DESI1: variants seen among roughly 807,000 people sequenced by gnomAD.
DESI1 encodes the protein PPPDE peptidase domain containing 2.
Under a neutral mutation model 22.4 loss-of-function variants are expected in DESI1, and 17 were observed. The ratio of observed to expected loss-of-function variants is 0.76; its 90% CI spans 0.52 to 1.14. The LOEUF (loss-of-function observed/expected upper bound fraction) is 1.14, where lower values mean the gene tolerates loss of function less well. Among genes scored for constraint, DESI1 ranks in the 50% most tolerant of loss-of-function variants. The probability of loss-of-function intolerance (pLI) is 0.00; values close to 1 mark genes in which losing one functional copy is unlikely to be tolerated. For synonymous variants in DESI1, 92 were observed against 84.2 expected (o/e 1.09, Z -0.51); for missense variants, 177 against 208.9 (o/e 0.85, Z 0.94).
At chr22:41,601,264 C>T (rs764979315) in intron 5 of DESI1, 74 bp from the exon 6 acceptor site, 84 of 1,412,874 alleles carry the variant, frequency 5.9e-5, no homozygotes, top group Non-Finnish European at 7.0e-5. Context: ...GTGCTGCCCA[C>T]GGGTAGGGAG....
At chr22:41,612,709 C>T (rs558115398) in intron 1 of DESI1, among the ~76,000 whole-genome samples, 4 of 151,262 alleles carry the variant, frequency 2.6e-5, no homozygotes, top group African/African-American at 9.7e-5. Flanking sequence ...GATCCTCCCA[C>T]TTCAGCTTCC....
At chr22:41,604,499 G>A (rs1205272521) in intron 3 of DESI1, among the ~76,000 whole-genome samples, 1 of 151,918 alleles carries the variant, frequency 6.6e-6, no homozygotes, top group Non-Finnish European at 1.5e-5. Context: ...CACCCACCTC[G>A]GCCTTCCAAA....
chr22:41,601,658 G>T (rs2067450569), intron 5 of DESI1, among the ~76,000 whole-genome samples: 1 of 152,210 alleles, frequency 6.6e-6, no homozygotes, highest in African/African-American at 2.4e-5. Flanking sequence ...ACAGAGGTCT[G>T]CCAGGGAGTA....
chr22:41,604,026 A>G lies in DESI1; in HGVS notation c.290+18T>C, dbSNP rs1360459081. 2 of 1,601,362 alleles carry G rather than the reference A, an allele frequency of 1.2e-6. No individual in the cohort carries two copies. Among genetic ancestry groups the G allele is most frequent in the South Asian group, 2.2e-5 (2 of 90,542 alleles). On this transcript the variant is annotated intron_variant, in intron 4 of 5. Transcript: ENST00000263256. ...GGGGAGACAGACACAACTAACCACC[A>G]CCCCTGTCTCCACTCACCGGAACAG...
At chr22:41,602,215 A>G in intron 5 of DESI1, 1 of 985,450 alleles carries the variant, frequency 1.0e-6, no homozygotes, top group Non-Finnish European at 1.2e-6. Flanking sequence ...GAAGTACTCC[A>G]AAGTATAGAC....
intron 1 of DESI1, among the ~76,000 whole-genome samples, chr22:41,616,125 C>T (rs2067549203): frequency 6.6e-6 from 1 of 152,012 alleles, no homozygotes; most frequent in Non-Finnish European, 1.5e-5. Context: ...TGTCTGTAAT[C>T]CCAGCTCCTT....
chr22:41,612,177 CAT>C (rs920640996), intron 1 of DESI1, among the ~76,000 whole-genome samples: 6 of 152,070 alleles, frequency 3.9e-5, no homozygotes, highest in Admixed American at 3.3e-4. Context: ...TAAGTCATAA[CAT>C]GTTAGCAATA....
chr22:41,614,311 C>T (rs1323170067), intron 1 of DESI1, among the ~76,000 whole-genome samples: 3 of 152,118 alleles, frequency 2.0e-5, no homozygotes, highest in Non-Finnish European at 2.9e-5. Context: ...GCAGGGATTA[C>T]AGGGGTTAAC....
chr22:41,602,582 A>T (rs2067455181), intron 5 of DESI1: 1 of 985,474 alleles, frequency 1.0e-6, no homozygotes, highest in Non-Finnish European at 1.2e-6. Context: ...ATAAGCAAAT[A>T]GACATGGTCC....
chr22:41,603,051 G>C, intron 5 of DESI1: 1 of 766,234 alleles, frequency 1.3e-6, no homozygotes, highest in Non-Finnish European at 2.0e-6. Flanking sequence ...ACTTAGGCCA[G>C]GGCAGAGCTG....
chr22:41,607,012 C>G (rs1601510858), intron 3 of DESI1, among the ~76,000 whole-genome samples: 1 of 152,038 alleles, frequency 6.6e-6, no homozygotes, highest in African/African-American at 2.4e-5. Context: ...TTACACAGTT[C>G]CCTGTGGAGA....
intron 4 of DESI1, among the ~76,000 whole-genome samples, chr22:41,603,600 T>C (rs1404175529): frequency 1.3e-5 from 2 of 152,220 alleles, no homozygotes; most frequent in African/African-American, 2.4e-5. Flanking sequence ...TCCTACACAG[T>C]TTCAGGAGAA....
chr22:41,607,966 C>T (rs2067492761), intron 1 of DESI1, 105 bp from the exon 2 acceptor site: 2 of 1,291,480 alleles, frequency 1.5e-6, no homozygotes, highest in African/African-American at 2.9e-5. Flanking sequence ...CTGTCATAAA[C>T]CTCTTGAGGG....
chr22:41,613,841 C>T (rs953847646), intron 1 of DESI1, among the ~76,000 whole-genome samples: 5 of 152,178 alleles, frequency 3.3e-5, no homozygotes, highest in African/African-American at 1.2e-4. Flanking sequence ...AGTTATTTCA[C>T]ACCTGAAAAA....
At chr22:41,611,491 CT>C (rs1295722803) in intron 1 of DESI1, among the ~76,000 whole-genome samples, 1 of 152,024 alleles carries the variant, frequency 6.6e-6, no homozygotes, top group African/African-American at 2.4e-5. Flanking sequence ...TATAAATCAG[CT>C]GTTTAAATGG....
chr22:41,609,833 A>T (rs2067505802), intron 1 of DESI1, among the ~76,000 whole-genome samples: 1 of 151,478 alleles, frequency 6.6e-6, no homozygotes, highest in South Asian at 2.1e-4. Flanking sequence ...CACACCTGTA[A>T]TCCCAGCACT....
intron 5 of DESI1, chr22:41,602,832 A>T (rs1445746559): frequency 6.8e-6 from 7 of 1,031,268 alleles, no homozygotes; most frequent in Non-Finnish European, 8.2e-6. Flanking sequence ...GGAGTCAAAG[A>T]GTTCATGGTG....
intron 1 of DESI1, among the ~76,000 whole-genome samples, chr22:41,612,824 CAA>C (rs2067526555): frequency 1.3e-5 from 2 of 150,598 alleles, no homozygotes; most frequent in South Asian, 4.2e-4. Context: ...CTACTGGGCT[CAA>C]GTGATCCTCC....
chr22:41,607,039 TTCAC>T (rs1331722493), intron 3 of DESI1, among the ~76,000 whole-genome samples: 1 of 152,130 alleles, frequency 6.6e-6, no homozygotes, highest in African/African-American at 2.4e-5. Context: ...AACAGCTCAT[TTCAC>T]CATAACATGC....
Sources: gnomAD v4.1 joint callset for allele counts (sites outside exome capture counted in the v4.1 genomes callset) on GRCh38, gnomAD v4.1.1 for gene constraint, MANE v1.5 for transcripts, NCBI Gene and HGNC (gene_info 2026-07-23, HGNC 2026-07-21) for gene names.